Variants in VTI1A observed in about 807,000 individuals in gnomAD.
VTI1A encodes vesicle transport through interaction with t-SNAREs homolog 1A.
Under a neutral mutation model 34.9 loss-of-function variants are expected in VTI1A, and 22 were observed. The ratio of observed to expected loss-of-function variants is 0.63; its 90% CI spans 0.45 to 0.90. VTI1A has a LOEUF of 0.90. Among genes scored for constraint, VTI1A ranks in the 40% least tolerant of loss-of-function variants. VTI1A has a pLI of 0.00. For missense variants in VTI1A, 268 were observed against 275.6 expected (o/e 0.97, Z 0.20); for synonymous variants, 87 against 97.3 (o/e 0.89, Z 0.62).
At chr10:112,753,406 A>G (rs1851171901) in intron 7 of VTI1A, among the ~76,000 whole-genome samples, 1 of 152,148 alleles carries the variant, frequency 6.6e-6, no homozygotes, top group Admixed American at 6.6e-5. Flanking sequence ...CAAAATTACT[A>G]TCCTCAGAGA....
Position 112,668,978 on chromosome 10 carries a change from T to G in VTI1A, c.540T>G (p.Ile180Met). The G allele has an allele frequency of 6.2e-7, 1 of 1,612,534 alleles. No individual in the cohort carries two copies. The highest frequency in any genetic ancestry group is 8.5e-7 in the Non-Finnish European group (1 of 1,178,792). ...CTAATTTGGGAAAAAGCTCCAGGAT[T>G]CTGACAGGGATGTTGCGAAGGTAAG... ...TDANLGKSSR[I>M]LTGMLRRIIQ... Residue 180 changes from isoleucine to methionine, a missense_variant, in exon 7 of 8, where the codon ATT becomes ATG. Coordinates refer to ENST00000393077, the MANE Select transcript of VTI1A (RefSeq NM_145206.4).
chr10:112,451,582 G>T (rs895576948), intron 1 of VTI1A, among the ~76,000 whole-genome samples: 2 of 152,190 alleles, frequency 1.3e-5, no homozygotes, highest in African/African-American at 4.8e-5. Flanking sequence ...GATCCCAAGG[G>T]GGGCAGTCGG....
intron 5 of VTI1A, among the ~76,000 whole-genome samples, chr10:112,631,920 C>T (rs1216737269): frequency 6.6e-6 from 1 of 152,120 alleles, no homozygotes; most frequent in Non-Finnish European, 1.5e-5. Context: ...TTGTTTACAT[C>T]TTATAGAACA....
At chr10:112,754,758 A>G (rs1851222918) in intron 7 of VTI1A, among the ~76,000 whole-genome samples, 1 of 152,208 alleles carries the variant, frequency 6.6e-6, no homozygotes, top group African/African-American at 2.4e-5. Flanking sequence ...GAGTGTCTGC[A>G]GCATCCACAA....
rs1850739232 is a variant in VTI1A, at chr10:112,538,526, T to A, written c.427+196T>A. 7.4e-6 allele frequency: 4 copies of A among 540,154 alleles called. No homozygotes were observed. The South Asian group carries it at 1.1e-4, about 15-fold the overall frequency. 33.5% of individuals were successfully genotyped at this position (540,154 alleles called of 1,614,324 possible). Reference sequence around the variant, plus strand: ...AAGGCATGACATCTACTGAAAACAGTTCCTGAGGTTTAAAAGTATACATCT... The same window carrying A: ...AAGGCATGACATCTACTGAAAACAGATCCTGAGGTTTAAAAGTATACATCT... On this transcript the variant is annotated intron_variant, in intron 5 of 7. Transcript: ENST00000393077.
At chr10:112,449,266 A>G (rs1258191132) in intron 1 of VTI1A, 1 of 152,186 alleles carries the variant, frequency 6.6e-6, no homozygotes, top group African/African-American at 2.4e-5. Flanking sequence ...TAATTGTTTT[A>G]GCAGTAGAAA....
chr10:112,854,857 C>G, the VTI1A span, among the ~76,000 whole-genome samples: 2 of 152,176 alleles, frequency 1.3e-5, no homozygotes, highest in Non-Finnish European at 2.9e-5. Flanking sequence ...TCCCGTCTTC[C>G]TTCCTGCAGC....
At chr10:112,840,848 G>A in the VTI1A span, among the ~76,000 whole-genome samples, 48 of 152,316 alleles carry the variant, frequency 3.2e-4, 1 homozygote, top group South Asian at 9.7e-3. Context: ...AGTGGGTTTT[G>A]CCTGGGTTCA....
chr10:112,658,777 G>C (rs947875409), intron 5 of VTI1A, among the ~76,000 whole-genome samples: 2 of 152,160 alleles, frequency 1.3e-5, no homozygotes, highest in Admixed American at 1.3e-4. Context: ...AAGTGGGAAT[G>C]GGGACTCACT....
At chr10:112,620,389 A>G (rs1845685981) in intron 5 of VTI1A, among the ~76,000 whole-genome samples, 1 of 152,198 alleles carries the variant, frequency 6.6e-6, no homozygotes, top group Non-Finnish European at 1.5e-5. Context: ...TATGAGTCTG[A>G]CAGCTACAAC....
chr10:112,845,345 C>T, the VTI1A span, among the ~76,000 whole-genome samples: 1 of 152,202 alleles, frequency 6.6e-6, no homozygotes, highest in African/African-American at 2.4e-5. Context: ...CACATTCTCC[C>T]ATTGGCTGTT....
chr10:112,810,831 C>T (rs1463822805), intron 7 of VTI1A, among the ~76,000 whole-genome samples: 1 of 152,170 alleles, frequency 6.6e-6, no homozygotes, highest in Non-Finnish European at 1.5e-5. Context: ...TATCATCAGT[C>T]ATCAATACAC....
intron 7 of VTI1A, among the ~76,000 whole-genome samples, chr10:112,700,304 A>AC (rs1848967589): frequency 6.6e-6 from 1 of 152,122 alleles, no homozygotes; most frequent in Non-Finnish European, 1.5e-5. Context: ...TTTTCCTGCT[A>AC]TGTCACAAGG....
At chr10:112,698,806 A>G (rs560281578) in intron 7 of VTI1A, among the ~76,000 whole-genome samples, 2 of 152,164 alleles carry the variant, frequency 1.3e-5, no homozygotes, top group Non-Finnish European at 2.9e-5. Flanking sequence ...CTAGAGTCTG[A>G]CTTTCCAGAG....
intron 7 of VTI1A, among the ~76,000 whole-genome samples, chr10:112,749,897 A>G (rs1318227886): frequency 1.3e-5 from 2 of 152,218 alleles, no homozygotes; most frequent in Admixed American, 6.5e-5. Context: ...AGCATACTAT[A>G]TAGCTGTTAA....
At chr10:112,564,631 G>T (rs1851845631) in intron 5 of VTI1A, among the ~76,000 whole-genome samples, 1 of 152,024 alleles carries the variant, frequency 6.6e-6, no homozygotes, top group Non-Finnish European at 1.5e-5. Flanking sequence ...AATGGAATGG[G>T]TGCAAATTTT....
intron 5 of VTI1A, among the ~76,000 whole-genome samples, chr10:112,581,605 TATG>T (rs922136351): frequency 3.9e-4 from 60 of 152,198 alleles, no homozygotes; most frequent in Non-Finnish European, 7.5e-4. Flanking sequence ...CTTGATAAAT[TATG>T]ATGATGATGA....
At chr10:112,658,200 G>C (rs554066763) in intron 5 of VTI1A, among the ~76,000 whole-genome samples, 1 of 151,994 alleles carries the variant, frequency 6.6e-6, no homozygotes, top group African/African-American at 2.4e-5. Flanking sequence ...TGATCTTCCC[G>C]CCTTAGCCTC....
At chr10:112,484,833 A>G (rs1300245586) in intron 3 of VTI1A, 2 of 151,500 alleles carry the variant, frequency 1.3e-5, no homozygotes, top group Non-Finnish European at 2.9e-5. Flanking sequence ...AAGTATTCCA[A>G]TGAAAAAGTT....
Sources: allele counts gnomAD v4.1 joint callset (sites outside exome capture counted in the v4.1 genomes callset), GRCh38; gene constraint gnomAD v4.1.1; transcripts MANE v1.5; gene names NCBI Gene and HGNC (gene_info 2026-07-23, HGNC 2026-07-21).